PTPRN2: variants seen among roughly 807,000 people sequenced by gnomAD.
PTPRN2 encodes the protein receptor-type tyrosine-protein phosphatase N2.
A neutral mutation model predicts 118.8 loss-of-function variants in PTPRN2; 74 were observed. That is an observed-to-expected ratio of 0.62 (90% CI 0.52 to 0.76). The LOEUF (loss-of-function observed/expected upper bound fraction) is 0.76. PTPRN2 is among the 30% of genes least tolerant of loss of function. The probability of loss-of-function intolerance (pLI) is 0.00; values close to 1 mark genes in which losing one functional copy is unlikely to be tolerated. For synonymous variants in PTPRN2, 641 were observed against 608.0 expected (o/e 1.05, Z -0.80); for missense variants, 1,481 against 1,394.4 (o/e 1.06, Z -0.99).
At chr7:157,692,499 T>G (rs1176693066) in intron 12 of PTPRN2, among the ~76,000 whole-genome samples, 2 of 152,010 alleles carry the variant, frequency 1.3e-5, no homozygotes, top group Non-Finnish European at 2.9e-5. Flanking sequence ...TACGGTGCCG[T>G]CCGCTGCAGG....
Position 158,003,976 on chromosome 7 carries a change from T to C in PTPRN2, c.1723+77322A>G, listed in dbSNP as rs1429130827. 1.3e-5 allele frequency among the ~76,000 whole-genome samples: 2 copies of C among 152,156 alleles called. No homozygotes were observed. Among genetic ancestry groups the C allele is most frequent in the Admixed American group, 6.5e-5 (1 of 15,282 alleles). On this transcript the variant is annotated intron_variant, in intron 11 of 22. Transcript: ENST00000389418. The surrounding 1 kb of genome is among the most constrained non-coding windows in gnomAD (Gnocchi z 5.0). ...CAGTATAGGAAACGTGTCAGCACCT[T>C]GGGAGCCTGGCCAGTGTTTCATTTC...
chr7:157,686,903 A>G (rs1797224625), intron 12 of PTPRN2, among the ~76,000 whole-genome samples: 1 of 152,226 alleles, frequency 6.6e-6, no homozygotes, highest in Non-Finnish European at 1.5e-5. Flanking sequence ...AAAAATAATC[A>G]GGAATGATTA....
At chr7:158,275,450 G>C (rs551009542) in intron 3 of PTPRN2, among the ~76,000 whole-genome samples, 1 of 152,222 alleles carries the variant, frequency 6.6e-6, no homozygotes, top group Non-Finnish European at 1.5e-5. Flanking sequence ...AATTTTACTG[G>C]ACAAAGTGCC....
At chr7:158,380,936 C>A (rs1484256113) in intron 2 of PTPRN2, among the ~76,000 whole-genome samples, 1 of 152,276 alleles carries the variant, frequency 6.6e-6, no homozygotes, top group Non-Finnish European at 1.5e-5. Flanking sequence ...CCCTCTGAAG[C>A]CACAGCCTGA....
chr7:157,558,137 G>A (rs1799001986), intron 21 of PTPRN2, among the ~76,000 whole-genome samples: 1 of 144,882 alleles, frequency 6.9e-6, no homozygotes, highest in Admixed American at 6.9e-5. Flanking sequence ...CCACAATTCC[G>A]AGTCCTATCT....
chr7:158,027,178 C>A (rs1807340642), intron 11 of PTPRN2, among the ~76,000 whole-genome samples: 1 of 152,196 alleles, frequency 6.6e-6, no homozygotes, highest in Admixed American at 6.5e-5. Flanking sequence ...TACCCACATG[C>A]CTAGGCCAGG....
chr7:158,192,466 C>G lies in PTPRN2; in HGVS notation c.410G>C (p.Arg137Thr). 1 of 1,578,964 alleles carries G rather than the reference C, an allele frequency of 6.3e-7. No homozygotes were observed. The change falls in exon 5 of 23, where the codon AGG (arginine) becomes ACG (threonine). Residue 137 changes from arginine (R) to threonine (T), a missense_variant. This residue lies in a region of PTPRN2 where 1,115 missense variants were observed against 994.2 expected (regional missense o/e 1.12). Transcript: ENST00000389418. ...AGCACCGCCCTCCCGACTGTACCTC[C>G]TCTCGCTGCCAACGCTGTGTTTTGA... is the stretch of plus-strand genomic sequence containing the variant. ...RPSKHSVGSERRYSREGGAAL... is the reference protein window; with the variant it reads ...RPSKHSVGSETRYSREGGAAL...
In PTPRN2 at chr7:158,525,612, C is replaced by T. The variant is rs970946300; in HGVS notation, c.113-35827G>A. Among the ~76,000 whole-genome samples the T allele has an allele frequency of 1.3e-5, 2 of 152,206 alleles. No homozygotes were observed. The highest frequency in any genetic ancestry group is 2.4e-5 in the African/African-American group (1 of 41,452). On this transcript the variant is annotated intron_variant, in intron 1 of 22. Transcript: ENST00000389418. This position sits in a 1 kb window ranked among gnomAD's most constrained non-coding sequence, Gnocchi z 4.1. ...CTACGGGATGGAGTATTAATAGTGCCGTGTTTAATTATTATTCAGCATAAT... is the reference window on the plus strand; with the variant it reads ...CTACGGGATGGAGTATTAATAGTGCTGTGTTTAATTATTATTCAGCATAAT...
In PTPRN2 at chr7:158,189,932, G is replaced by A. The variant is rs182632731; in HGVS notation, c.549+2395C>T. ...GGTGGGAGAAATGCCAGTTTCCACC[G>A]TGCTGTGCTGAGACCTGCTCTGTGG... On this transcript the variant is annotated intron_variant, in intron 5 of 22. Transcript: ENST00000389418. Among the ~76,000 whole-genome samples the A allele has an allele frequency of 1.9e-3, 286 of 152,320 alleles. 2 individuals are homozygous for A. Among genetic ancestry groups the A allele is most frequent in the African/African-American group, 6.7e-3 (278 of 41,564 alleles).
rs936047449 is a variant in PTPRN2, at chr7:158,276,631, T to A, written c.277+40188A>T. Among the ~76,000 whole-genome samples, 8 of 152,190 alleles carry A rather than the reference T, an allele frequency of 5.3e-5. No homozygotes were observed. In the South Asian group the frequency reaches 1.7e-3, roughly 32 times the overall value. On this transcript the variant is annotated intron_variant, in intron 3 of 22. Transcript: ENST00000389418. ...TCTTTATTAACTTGGCCCCATTTAT[T>A]AACCACCAGCTTCCTGAGGGATGAA...
chr7:157,613,358 C>T (rs1172234324), intron 15 of PTPRN2, among the ~76,000 whole-genome samples: 6 of 152,362 alleles, frequency 3.9e-5, no homozygotes, highest in Non-Finnish European at 1.5e-5. Flanking sequence ...TCCGATAGTT[C>T]TGGCAGAGAC....
At chr7:158,285,428 G>A (rs116794681) in intron 3 of PTPRN2, among the ~76,000 whole-genome samples, 2,091 of 152,266 alleles carry the variant, frequency 0.014, 46 homozygotes, top group African/African-American at 0.048. Flanking sequence ...TGCCCACGCC[G>A]GCTTCAACTC....
At chr7:158,483,506 C>G (rs932382785) in intron 2 of PTPRN2, among the ~76,000 whole-genome samples, 2 of 152,170 alleles carry the variant, frequency 1.3e-5, no homozygotes, top group African/African-American at 4.8e-5. Flanking sequence ...TTGGGGACAA[C>G]GCTAGTGCTT....
intron 6 of PTPRN2, among the ~76,000 whole-genome samples, chr7:158,148,832 C>T (rs1263865618): frequency 5.3e-5 from 1 of 18,790 alleles, no homozygotes; most frequent in Admixed American, 4.1e-4. Flanking sequence ...CCCCATCTCA[C>T]GCCACGTGTC....
intron 4 of PTPRN2, among the ~76,000 whole-genome samples, chr7:158,201,771 C>A (rs1038559786): frequency 6.6e-6 from 1 of 152,162 alleles, no homozygotes; most frequent in African/African-American, 2.4e-5. Context: ...AGTTGTCAAC[C>A]AGAAAATGTT....
intron 11 of PTPRN2, among the ~76,000 whole-genome samples, chr7:158,072,932 G>C (rs1812052484): frequency 6.6e-6 from 1 of 152,144 alleles, no homozygotes; most frequent in African/African-American, 2.4e-5. Flanking sequence ...TTGTCCCAAG[G>C]GGCCCATAGG....
intron 2 of PTPRN2, among the ~76,000 whole-genome samples, chr7:158,480,680 G>A (rs576418485): frequency 6.6e-5 from 10 of 152,334 alleles, no homozygotes; most frequent in South Asian, 2.1e-4. Flanking sequence ...TCCAGAAAAC[G>A]AGAAAGTGAA....
Position 158,124,717 on chromosome 7 carries a change from G to A in PTPRN2, c.1556+8960C>T, listed in dbSNP as rs538799845. Among the ~76,000 whole-genome samples the A allele has an allele frequency of 5.3e-5, 8 of 152,294 alleles. No individual in the cohort carries two copies. The South Asian group carries it at 1.2e-3, about 24-fold the overall frequency. ...GACCTTCTGCAGGAGCCCAGCTGCC[G>A]GGGCGGAGGGAGGGCCTGGTGGAGT... On this transcript the variant is annotated intron_variant, in intron 9 of 22. Transcript: ENST00000389418.
At position 158,411,530 on chromosome 7, in the gene PTPRN2, T is replaced by C. The variant is rs974965365; in HGVS notation, c.163+78205A>G. ...AAGGCACCTGCAAGTCCTGCTGTCGTCCCGGGAACAGGGGTCCCCTTCCCG... is the reference window on the plus strand; with the variant it reads ...AAGGCACCTGCAAGTCCTGCTGTCGCCCCGGGAACAGGGGTCCCCTTCCCG... On this transcript the variant is annotated intron_variant, in intron 2 of 22. Coordinates refer to ENST00000389418, the MANE Select transcript of PTPRN2 (RefSeq NM_002847.5). 2.6e-5 allele frequency among the ~76,000 whole-genome samples: 4 copies of C among 152,274 alleles called. No individual in the cohort carries two copies. The South Asian group carries it at 6.2e-4, about 24-fold the overall frequency.
Sources: gnomAD v4.1 joint callset for allele counts (sites outside exome capture counted in the v4.1 genomes callset) on GRCh38, gnomAD v4.1.1 for gene constraint, gnomAD v4.1.1 regional missense constraint, Gnocchi (gnomAD v3.1) non-coding constraint, MANE v1.5 for transcripts, NCBI Gene and HGNC (gene_info 2026-07-23, HGNC 2026-07-21) for gene names.